The following PRICKLE2 variants were observed in gnomAD, a reference collection of about 807,000 sequenced individuals.
PRICKLE2 encodes prickle-like protein 2.
A neutral mutation model predicts 81.4 loss-of-function variants in PRICKLE2; 21 were observed. That is an observed-to-expected ratio of 0.26 (90% CI 0.18 to 0.37). PRICKLE2 has a LOEUF of 0.37. PRICKLE2 is among the 10% of genes least tolerant of loss of function. The probability of loss-of-function intolerance (pLI) is 1.00; values close to 1 mark genes in which losing one functional copy is unlikely to be tolerated. For synonymous variants in PRICKLE2, 456 were observed against 421.5 expected, an observed-to-expected ratio of 1.08 and a Z score of -1.00; for missense variants, 940 against 1,109.0, an observed-to-expected ratio of 0.85 and a Z score of 2.16.
chr3:64,215,182 G>A (rs183137854), intron 1 of PRICKLE2, among the ~76,000 whole-genome samples: 2 of 152,084 alleles, frequency 1.3e-5, no homozygotes, highest in East Asian at 3.9e-4. Context: ...TATATAACCT[G>A]GTCTGTTCCT....
intron 2 of PRICKLE2, among the ~76,000 whole-genome samples, chr3:64,241,631 AG>A (rs1424476163): frequency 1.1e-4 from 16 of 152,184 alleles, no homozygotes; most frequent in African/African-American, 3.4e-4. Flanking sequence ...TTCAGGGATG[AG>A]GGCCACAGCT....
At chr3:64,266,667 G>C (rs1050774224) in intron 2 of PRICKLE2, among the ~76,000 whole-genome samples, 2 of 152,176 alleles carry the variant, frequency 1.3e-5, no homozygotes, top group African/African-American at 4.8e-5. Flanking sequence ...TCTTCCCCAA[G>C]TGGTATTTGT....
intron 1 of PRICKLE2, among the ~76,000 whole-genome samples, chr3:64,212,960 C>T (rs2078812519): frequency 6.6e-6 from 1 of 152,052 alleles, no homozygotes; most frequent in South Asian, 2.1e-4. Flanking sequence ...CCTTAGTGTA[C>T]ACTTAAAGGT....
intron 2 of PRICKLE2, among the ~76,000 whole-genome samples, chr3:64,240,273 A>G (rs2079244767): frequency 6.6e-6 from 1 of 152,184 alleles, no homozygotes; most frequent in Non-Finnish European, 1.5e-5. Context: ...CAAGGAAAAC[A>G]GTTGGAAGAA....
chr3:64,157,406 C>A, intron 4 of PRICKLE2, 41 bp from the exon 5 acceptor site: 4 of 1,584,070 alleles, frequency 2.5e-6, no homozygotes, highest in Non-Finnish European at 3.5e-6. Context: ...CACTAGCCCC[C>A]ATCTCCCAGT....
chr3:64,236,012 C>T (rs1333482082), intron 2 of PRICKLE2, among the ~76,000 whole-genome samples: 2 of 152,196 alleles, frequency 1.3e-5, no homozygotes, highest in Non-Finnish European at 2.9e-5. Flanking sequence ...TAGACTCTCA[C>T]TCTTCTTACT....
chr3:64,173,585 G>A (rs550536470), intron 2 of PRICKLE2, among the ~76,000 whole-genome samples: 16 of 152,204 alleles, frequency 1.1e-4, no homozygotes, highest in Admixed American at 7.2e-4. Context: ...GTATGAGGCC[G>A]GCTCTAGCAT....
intron 2 of PRICKLE2, among the ~76,000 whole-genome samples, chr3:64,168,462 T>G (rs892741331): frequency 6.6e-6 from 1 of 152,220 alleles, no homozygotes; most frequent in Non-Finnish European, 1.5e-5. Context: ...CTGGGCTGCA[T>G]GCAGCCTGTG....
chr3:64,131,602 G>A (rs1575572871), intron 7 of PRICKLE2, among the ~76,000 whole-genome samples: 1 of 152,186 alleles, frequency 6.6e-6, no homozygotes, highest in Admixed American at 6.5e-5. Context: ...CAGGACACCT[G>A]GGGTAAAATT....
chr3:64,136,659 T>C (rs548608393), intron 7 of PRICKLE2, among the ~76,000 whole-genome samples: 1 of 151,800 alleles, frequency 6.6e-6, no homozygotes, highest in South Asian at 2.1e-4. Flanking sequence ...TTAAGGAAGG[T>C]GATGGTCGGT....
intron 6 of PRICKLE2, among the ~76,000 whole-genome samples, chr3:64,151,565 C>A (rs898490152): frequency 1.3e-5 from 2 of 152,120 alleles, no homozygotes; most frequent in Non-Finnish European, 2.9e-5. Flanking sequence ...ACAGGAAAAA[C>A]AGAAATATGG....
At chr3:64,120,305 T>G (rs2077005086) in intron 7 of PRICKLE2, among the ~76,000 whole-genome samples, 1 of 152,194 alleles carries the variant, frequency 6.6e-6, no homozygotes, top group African/African-American at 2.4e-5. Flanking sequence ...CATTACTGCT[T>G]GTATTATTAA....
At chr3:64,210,764 C>T (rs530189381) in intron 1 of PRICKLE2, among the ~76,000 whole-genome samples, 1 of 152,274 alleles carries the variant, frequency 6.6e-6, no homozygotes, top group South Asian at 2.1e-4. Flanking sequence ...GGTGACTTTG[C>T]TTGGAAACAT....
At chr3:64,121,344 A>G (rs2077024674) in intron 7 of PRICKLE2, among the ~76,000 whole-genome samples, 3 of 152,112 alleles carry the variant, frequency 2.0e-5, no homozygotes, top group South Asian at 2.1e-4. Context: ...GAAAGAAGAT[A>G]GAAAATGCAT....
chr3:64,187,628 T>C (rs2078259644), intron 2 of PRICKLE2: 1 of 152,238 alleles, frequency 6.6e-6, no homozygotes, highest in African/African-American at 2.4e-5. Flanking sequence ...ATGGTTTTTA[T>C]GGGGGTTTTA....
intron 2 of PRICKLE2, among the ~76,000 whole-genome samples, chr3:64,265,636 T>C (rs2079692035): frequency 1.3e-5 from 2 of 152,206 alleles, no homozygotes; most frequent in Admixed American, 6.5e-5. Context: ...CGTCTTTTCA[T>C]TGCCCATTTT....
chr3:64,232,874 C>T (rs2079126013), intron 2 of PRICKLE2, among the ~76,000 whole-genome samples: 2 of 152,210 alleles, frequency 1.3e-5, no homozygotes, highest in African/African-American at 4.8e-5. Flanking sequence ...TTGAGCCATC[C>T]TTCACCCCTG....
At chr3:64,235,389 G>A (rs1191409643) in intron 2 of PRICKLE2, among the ~76,000 whole-genome samples, 1 of 152,016 alleles carries the variant, frequency 6.6e-6, no homozygotes, top group East Asian at 1.9e-4. Context: ...CCCTCTCACG[G>A]GCAGTTACTT....
At position 64,143,445 on chromosome 3, in the gene PRICKLE2, T is replaced by C. The variant is rs146737721; in HGVS notation, c.1660+3385A>G. On this transcript the variant is annotated intron_variant, in intron 7 of 7. Coordinates refer to ENST00000638394, the MANE Select transcript of PRICKLE2 (RefSeq NM_198859.4). ...TCATGAGAGTAAATCTCCCATGATG[T>C]CTTCTTTAGGAATGGAAACCGCGTC... Among the ~76,000 whole-genome samples the C allele has an allele frequency of 2.7e-3, 408 of 152,282 alleles. 4 individuals carry two copies. The highest frequency in any genetic ancestry group is 9.5e-3 in the African/African-American group (394 of 41,566).
Sources: gnomAD v4.1 joint callset for allele counts (sites outside exome capture counted in the v4.1 genomes callset) on GRCh38, gnomAD v4.1.1 for gene constraint, MANE v1.5 for transcripts, NCBI Gene and HGNC (gene_info 2026-07-23, HGNC 2026-07-21) for gene names.